RAP1GAP: variants seen among roughly 807,000 people sequenced by gnomAD.
RAP1GAP encodes rap1 GTPase-activating protein 1.
RAP1GAP carries 35 observed loss-of-function variants against 87.2 expected under a neutral mutation model. That is an observed-to-expected ratio of 0.40 (90% CI 0.31 to 0.53). The LOEUF is 0.53. Ranked by LOEUF, RAP1GAP falls within the 20% of genes least tolerant of loss-of-function variation. The pLI is 0.48. For synonymous variants in RAP1GAP, 375 were observed against 363.9 expected (o/e 1.03, Z -0.35); for missense variants, 734 against 898.9 (o/e 0.82, Z 2.35).
chr1:21,662,701 G>C (rs1164508621), intron 1 of RAP1GAP, among the ~76,000 whole-genome samples: 3 of 152,010 alleles, frequency 2.0e-5, no homozygotes, highest in African/African-American at 7.3e-5. Context: ...CACAGATTCT[G>C]TATGGCGCCC....
At position 21,608,282 on chromosome 1, in the gene RAP1GAP, C is replaced by T; in HGVS notation, c.1227G>A (p.Met409Ile). 1 of 1,614,128 alleles carries T rather than the reference C, an allele frequency of 6.2e-7. No homozygotes were observed. The highest frequency in any genetic ancestry group is 1.1e-5 in the South Asian group (1 of 91,088). The change falls in exon 17 of 25, where the codon ATG (methionine) becomes ATA (isoleucine). Residue 409 changes from methionine (M) to isoleucine (I), a missense_variant. Physicochemically the swap from Met to Ile is conservative, Grantham distance 10. Transcript: ENST00000374765. ...TCTTGTCCTCGTCGCCGCCCAAGCC[C>T]ATCATGGACTGGCTGTGGATGTGTA... ...EELHIHSQSM[M>I]GLGGDEDKME...
At chr1:21,608,401 G>A (rs1482239486) in intron 16 of RAP1GAP, 51 bp from the exon 17 acceptor site, 2 of 1,585,272 alleles carry the variant, frequency 1.3e-6, no homozygotes, top group Admixed American at 3.5e-5. Context: ...TCAGCCCTTC[G>A]GCCCACAGTT....
At chr1:21,607,784 C>G (rs957437787) in intron 17 of RAP1GAP, among the ~76,000 whole-genome samples, 1 of 152,092 alleles carries the variant, frequency 6.6e-6, no homozygotes, top group Non-Finnish European at 1.5e-5. Context: ...ACTATGTCCC[C>G]AAGTGTAAGC....
At chr1:21,602,664 G>A in intron 19 of RAP1GAP, 140 bp downstream of exon 19, 1 of 703,296 alleles carries the variant, frequency 1.4e-6, no homozygotes, top group Middle Eastern at 2.7e-4. Flanking sequence ...ACGCAGCAGG[G>A]ACTTGACCAC....
At chr1:21,655,811 G>A (rs1241708054) in intron 1 of RAP1GAP, among the ~76,000 whole-genome samples, 1 of 152,236 alleles carries the variant, frequency 6.6e-6, no homozygotes, top group Non-Finnish European at 1.5e-5. Flanking sequence ...GTTGAACTCT[G>A]GGTGTTCCAC....
chr1:21,652,462 C>G (rs1571377272), intron 1 of RAP1GAP, among the ~76,000 whole-genome samples: 2 of 152,170 alleles, frequency 1.3e-5, no homozygotes, highest in African/African-American at 4.8e-5. Context: ...TTCCCGCGAA[C>G]GAATGAGTGA....
At chr1:21,612,778 G>A (rs1001483379) in intron 10 of RAP1GAP, among the ~76,000 whole-genome samples, 11 of 152,178 alleles carry the variant, frequency 7.2e-5, no homozygotes, top group Non-Finnish European at 1.3e-4. Flanking sequence ...ACCAGCATCC[G>A]AGCAGGAAGT....
chr1:21,600,055 G>C (rs537846135), intron 20 of RAP1GAP, among the ~76,000 whole-genome samples: 1 of 152,258 alleles, frequency 6.6e-6, no homozygotes, highest in Admixed American at 6.5e-5. Context: ...AGGCACAGAG[G>C]GGACAGGCAC....
chr1:21,598,640 T>C (rs1391852096), intron 21 of RAP1GAP, 138 bp from the exon 22 acceptor site: 3 of 712,864 alleles, frequency 4.2e-6, no homozygotes, highest in Non-Finnish European at 7.1e-6. Context: ...GGCCTAGCCA[T>C]GTCTGCCCCA....
chr1:21,599,915 C>T (rs2066770482), intron 20 of RAP1GAP, among the ~76,000 whole-genome samples: 1 of 152,240 alleles, frequency 6.6e-6, no homozygotes, highest in Admixed American at 6.5e-5. Context: ...TGTTCAAAAA[C>T]AGCAGCGGTT....
chr1:21,627,402 C>CCTTCTT (rs202242956), intron 2 of RAP1GAP, among the ~76,000 whole-genome samples: 5 of 138,794 alleles, frequency 3.6e-5, no homozygotes, highest in African/African-American at 1.3e-4. Context: ...TGTGAGCCTC[C>CCTTCTT]CTTCTTCTTT....
chr1:21,636,255 G>A (rs905310233), intron 2 of RAP1GAP, among the ~76,000 whole-genome samples: 1 of 152,212 alleles, frequency 6.6e-6, no homozygotes, highest in African/African-American at 2.4e-5. Context: ...TAACAGCTGT[G>A]TGACCTTGGA....
At chr1:21,626,202 T>C (rs1289566813) in intron 3 of RAP1GAP, 102 bp downstream of exon 3, 6 of 1,089,980 alleles carry the variant, frequency 5.5e-6, no homozygotes, top group Admixed American at 5.4e-5. Context: ...CCTGAACATT[T>C]TACCTTTGCC....
At chr1:21,624,214 G>A (rs1038917878) in intron 3 of RAP1GAP, among the ~76,000 whole-genome samples, 4 of 152,160 alleles carry the variant, frequency 2.6e-5, no homozygotes, top group Non-Finnish European at 4.4e-5. Flanking sequence ...TGGGTAGCTC[G>A]ATGCCTGTAC....
At chr1:21,608,014 TCA>T (rs1161441924) in intron 17 of RAP1GAP, among the ~76,000 whole-genome samples, 197 bp downstream of exon 17, 1 of 149,558 alleles carries the variant, frequency 6.7e-6, no homozygotes, top group Non-Finnish European at 1.5e-5. Flanking sequence ...ACGCCCCCTC[TCA>T]GACTCCAATG....
chr1:21,620,071 A>C (rs1210259228), intron 3 of RAP1GAP, 21 bp from the exon 4 acceptor site: 2 of 1,613,328 alleles, frequency 1.2e-6, no homozygotes, highest in Non-Finnish European at 1.7e-6. Flanking sequence ...GACAGGGGAG[A>C]GCGAGGTCAG....
chr1:21,639,844 G>A (rs1161121585), intron 2 of RAP1GAP, among the ~76,000 whole-genome samples: 1 of 152,212 alleles, frequency 6.6e-6, no homozygotes, highest in African/African-American at 2.4e-5. Flanking sequence ...GTGCGAGAGG[G>A]TGTGTGTGAC....
chr1:21,651,053 CTCTG>C (rs1377795920), intron 1 of RAP1GAP, among the ~76,000 whole-genome samples: 1 of 152,196 alleles, frequency 6.6e-6, no homozygotes, highest in Non-Finnish European at 1.5e-5. Flanking sequence ...TCTGAGCCCA[CTCTG>C]TCTAACCCAT....
chr1:21,597,512 G>A (rs983790092), intron 24 of RAP1GAP, among the ~76,000 whole-genome samples, 174 bp downstream of exon 24: 5 of 152,214 alleles, frequency 3.3e-5, no homozygotes, highest in African/African-American at 4.8e-5. Context: ...CAGAGGTCAC[G>A]GGGAAGGGCC....
Sources: gnomAD v4.1 joint callset for allele counts (sites outside exome capture counted in the v4.1 genomes callset) on GRCh38, gnomAD v4.1.1 for gene constraint, MANE v1.5 for transcripts, NCBI Gene and HGNC (gene_info 2026-07-23, HGNC 2026-07-21) for gene names.